Variants in ATP8B1 observed in about 807,000 individuals in gnomAD.
The protein encoded by ATP8B1 is phospholipid-transporting ATPase IC.
In ATP8B1, 80 loss-of-function variants were observed where a neutral mutation model predicts 149.9. The ratio of observed to expected loss-of-function variants is 0.53; its 90% CI spans 0.45 to 0.64. ATP8B1 has a LOEUF of 0.64. Among genes scored for constraint, ATP8B1 ranks in the 30% least tolerant of loss-of-function variants. The pLI is 0.00. For synonymous variants in ATP8B1, 536 were observed against 562.8 expected, an observed-to-expected ratio of 0.95 and a Z score of 0.67; for missense variants, 1,247 against 1,552.6, an observed-to-expected ratio of 0.80 and a Z score of 3.31.
chr18:57,673,010 C>A (rs57640826), intron 16 of ATP8B1, among the ~76,000 whole-genome samples: 46,201 of 116,598 alleles, frequency 0.4, 10,537 homozygotes, highest in East Asian at 0.66. Context: ...TATAAATATA[C>A]ATATATAAAT....
At chr18:57,778,410 T>C (rs1282520923) in intron 1 of ATP8B1, among the ~76,000 whole-genome samples, 1 of 151,972 alleles carries the variant, frequency 6.6e-6, no homozygotes, top group African/African-American at 2.4e-5. Context: ...TATTTTTTTT[T>C]TAATAGAGAC....
chr18:57,788,233 A>G (rs1231104492), intron 1 of ATP8B1, among the ~76,000 whole-genome samples: 1 of 152,080 alleles, frequency 6.6e-6, no homozygotes, highest in African/African-American at 2.4e-5. Flanking sequence ...CCTATAAAAC[A>G]TCAGGTCCAT....
At chr18:57,669,741 C>G (rs927879713) in intron 17 of ATP8B1, among the ~76,000 whole-genome samples, 1 of 152,110 alleles carries the variant, frequency 6.6e-6, no homozygotes, top group Non-Finnish European at 1.5e-5. Context: ...CCTCTGCCTT[C>G]CAGGCTGAAG....
intron 22 of ATP8B1, among the ~76,000 whole-genome samples, chr18:57,658,853 A>T (rs1910196738): frequency 1.3e-5 from 2 of 152,056 alleles, no homozygotes; most frequent in Admixed American, 1.3e-4. Flanking sequence ...ATTGTTATTG[A>T]TGTGGTTGGA....
At chr18:57,733,603 G>A (rs1332728700) in intron 1 of ATP8B1, among the ~76,000 whole-genome samples, 1 of 151,830 alleles carries the variant, frequency 6.6e-6, no homozygotes, top group African/African-American at 2.4e-5. Flanking sequence ...CTGCTCGGGA[G>A]GCTGAGGCAG....
chr18:57,795,410 A>AT (rs1175482217), intron 1 of ATP8B1, among the ~76,000 whole-genome samples: 1 of 152,136 alleles, frequency 6.6e-6, no homozygotes, highest in Non-Finnish European at 1.5e-5. Context: ...CTTAAAAAAA[A>AT]TTTTTTTAAT....
At chr18:57,667,776 C>G (rs757583228) in intron 19 of ATP8B1, 12 of 184,608 alleles carry the variant, frequency 6.5e-5, no homozygotes, top group Middle Eastern at 2.5e-3. Context: ...TAATTTCCAC[C>G]AACCCTTACG....
At chr18:57,748,779 C>A (rs763488499) in intron 1 of ATP8B1, among the ~76,000 whole-genome samples, 2 of 152,158 alleles carry the variant, frequency 1.3e-5, no homozygotes, top group Non-Finnish European at 2.9e-5. Flanking sequence ...CTTCTAATTA[C>A]CCAAAGGTTA....
intron 2 of ATP8B1, among the ~76,000 whole-genome samples, chr18:57,711,251 C>T (rs1025106525): frequency 1.9e-4 from 29 of 152,244 alleles, no homozygotes; most frequent in African/African-American, 6.7e-4. Context: ...CTAGAAACAA[C>T]CCAAATGCCT....
chr18:57,671,674 G>T, intron 16 of ATP8B1, 94 bp from the exon 17 acceptor site: 1 of 865,460 alleles, frequency 1.2e-6, no homozygotes, highest in Non-Finnish European at 1.9e-6. Flanking sequence ...CCAGGCTGGA[G>T]TGCAGCAGTT....
intron 19 of ATP8B1, chr18:57,667,472 T>G (rs1372610899): frequency 2.8e-6 from 1 of 351,308 alleles, no homozygotes; most frequent in Non-Finnish European, 5.4e-6. Flanking sequence ...ATAATTGATT[T>G]TACCTAGTAA....
intron 1 of ATP8B1, among the ~76,000 whole-genome samples, chr18:57,771,632 C>T (rs921068420): frequency 9.9e-5 from 15 of 152,124 alleles, no homozygotes; most frequent in Admixed American, 9.2e-4. Flanking sequence ...AGGCCACATA[C>T]AGCAGCAGGA....
At chr18:57,774,578 A>G (rs2080290789) in intron 1 of ATP8B1, among the ~76,000 whole-genome samples, 2 of 151,934 alleles carry the variant, frequency 1.3e-5, no homozygotes, top group Non-Finnish European at 2.9e-5. Context: ...CCTGGGCGAC[A>G]GAGTGTGAGA....
At chr18:57,711,671 C>A (rs1568206800) in intron 2 of ATP8B1, among the ~76,000 whole-genome samples, 1 of 152,216 alleles carries the variant, frequency 6.6e-6, no homozygotes, top group Non-Finnish European at 1.5e-5. Flanking sequence ...TAGCTCACTG[C>A]AGCCTCTGAA....
chr18:57,672,127 C>G (rs1239821831), intron 16 of ATP8B1, among the ~76,000 whole-genome samples: 1 of 152,154 alleles, frequency 6.6e-6, no homozygotes, highest in Non-Finnish European at 1.5e-5. Flanking sequence ...TTTATAACCT[C>G]AGTTATTCTT....
At chr18:57,752,299 G>A (rs944294421) in intron 1 of ATP8B1, among the ~76,000 whole-genome samples, 2 of 151,656 alleles carry the variant, frequency 1.3e-5, no homozygotes, top group African/African-American at 4.8e-5. Flanking sequence ...TCTCAAGTGG[G>A]GCAGAATCAA....
At chr18:57,748,530 G>A (rs771770806) in intron 1 of ATP8B1, among the ~76,000 whole-genome samples, 13 of 152,208 alleles carry the variant, frequency 8.5e-5, no homozygotes, top group Non-Finnish European at 1.5e-4. Flanking sequence ...TGTTACAGCA[G>A]CCCCAGCTAA....
intron 1 of ATP8B1, among the ~76,000 whole-genome samples, chr18:57,753,962 GA>G (rs33970531): frequency 0.4 from 48,449 of 121,770 alleles, 9,303 homozygotes; most frequent in African/African-American, 0.56. Context: ...AGAAAGAAAA[GA>G]AAAAAAAAAA....
At chr18:57,762,305 A>G (rs2080166016) in intron 1 of ATP8B1, among the ~76,000 whole-genome samples, 1 of 151,734 alleles carries the variant, frequency 6.6e-6, no homozygotes, top group Non-Finnish European at 1.5e-5. Context: ...CGCCTGGCTA[A>G]TTTTTGTATT....
Sources: allele counts gnomAD v4.1 joint callset (sites outside exome capture counted in the v4.1 genomes callset), GRCh38; gene constraint gnomAD v4.1.1; transcripts MANE v1.5; gene names NCBI Gene and HGNC (gene_info 2026-07-23, HGNC 2026-07-21).